Variants in FARP1 observed in about 807,000 individuals in gnomAD.
FARP1 encodes the protein FERM, ARH/RhoGEF and pleckstrin domain protein 1.
A neutral mutation model predicts 128.8 loss-of-function variants in FARP1; 52 were observed. That is an observed-to-expected ratio of 0.40 (90% CI 0.32 to 0.51). FARP1 has a LOEUF of 0.51. Ranked by LOEUF, FARP1 falls within the 20% of genes least tolerant of loss-of-function variation. The pLI is 0.45. For synonymous variants in FARP1, 580 were observed against 551.8 expected (o/e 1.05, Z -0.72); for missense variants, 1,333 against 1,367.9 (o/e 0.97, Z 0.40).
At chr13:98,246,127 C>T (rs1476875215) in intron 2 of FARP1, among the ~76,000 whole-genome samples, 4 of 100,484 alleles carry the variant, frequency 4.0e-5, no homozygotes, top group South Asian at 7.5e-4. Context: ...GACGGAGTCT[C>T]GCTGTCACCC....
At chr13:98,361,761 G>A (rs1244310264) in intron 3 of FARP1, among the ~76,000 whole-genome samples, 5 of 152,046 alleles carry the variant, frequency 3.3e-5, no homozygotes, top group Non-Finnish European at 7.4e-5. Context: ...CCCTCTCACA[G>A]ATCGAAGGAG....
In FARP1 at chr13:98,443,497, C is replaced by T. The variant is rs58598914; in HGVS notation, c.2797-2601C>T. 8.9e-3 allele frequency among the ~76,000 whole-genome samples: 1,354 copies of T among 152,362 alleles called. 23 individuals carry two copies. Among genetic ancestry groups the T allele is most frequent in the African/African-American group, 0.031 (1,289 of 41,590 alleles). Reference sequence around the variant, plus strand: ...CTCCTCCCTGCATGACAGGACAAAGCAGCTCCATCTCCTCCTGACTCAACA... The same window carrying T: ...CTCCTCCCTGCATGACAGGACAAAGTAGCTCCATCTCCTCCTGACTCAACA... On this transcript the variant is annotated intron_variant, in intron 24 of 26. Coordinates refer to ENST00000319562, the MANE Select transcript of FARP1 (RefSeq NM_005766.4).
chr13:98,389,904 G>T (rs9582224), intron 9 of FARP1, 53 bp from the exon 10 acceptor site: 1 of 1,551,682 alleles, frequency 6.4e-7, no homozygotes, highest in African/African-American at 1.4e-5. Context: ...TCCTATTTCA[G>T]TGGTGTATCT....
At chr13:98,388,291 C>T (rs866451317) in intron 8 of FARP1, 92 bp from the exon 9 acceptor site, 3 of 882,056 alleles carry the variant, frequency 3.4e-6, no homozygotes, top group Middle Eastern at 2.2e-4. Context: ...GCCTGCCAGC[C>T]CTCTTCCTTT....
chr13:98,161,975 G>C (rs755145999), intron 1 of FARP1, among the ~76,000 whole-genome samples: 3 of 151,984 alleles, frequency 2.0e-5, no homozygotes, highest in Non-Finnish European at 2.9e-5. Context: ...AGAGACAGAA[G>C]TCTTGCTATC....
intron 17 of FARP1, among the ~76,000 whole-genome samples, chr13:98,425,919 A>T (rs1348257531): frequency 2.0e-5 from 3 of 152,178 alleles, no homozygotes; most frequent in African/African-American, 4.8e-5. Flanking sequence ...ATATACCTGT[A>T]CTCACATTTT....
At chr13:98,212,315 G>A (rs927677046) in intron 1 of FARP1, among the ~76,000 whole-genome samples, 32 of 152,080 alleles carry the variant, frequency 2.1e-4, no homozygotes, top group African/African-American at 5.6e-4. Context: ...CTTGGCCTCC[G>A]AAAGTGCTGG....
chr13:98,278,783 T>A (rs1884789565), intron 2 of FARP1, among the ~76,000 whole-genome samples: 2 of 151,910 alleles, frequency 1.3e-5, no homozygotes, highest in African/African-American at 4.9e-5. Flanking sequence ...TGATACCTGC[T>A]GTGACGAGGC....
Position 98,453,064 on chromosome 13 carries a change from G to T in FARP1, c.*4747G>T. 1 of 1,321,220 alleles carries T rather than the reference G, an allele frequency of 7.6e-7. No homozygotes were observed. The highest frequency in any genetic ancestry group is 1.1e-6 in the Non-Finnish European group (1 of 939,566). 81.8% of individuals were successfully genotyped at this position (1,321,220 alleles called of 1,614,324 possible). A position where few individuals can be genotyped will look rare whatever the true frequency, so the allele number is the denominator to read the frequency against. On this transcript the variant is annotated 3_prime_UTR_variant, in exon 27 of 27. Transcript: ENST00000319562. Reference sequence around the variant, plus strand: ...GCGCCTGGCGCTGGGGTGGCTCCCAGTGGCGCACCTCTTCGGTGGAGTCAG... The same window carrying T: ...GCGCCTGGCGCTGGGGTGGCTCCCATTGGCGCACCTCTTCGGTGGAGTCAG...
At chr13:98,154,136 C>T (rs1876328059) in intron 1 of FARP1, among the ~76,000 whole-genome samples, 1 of 152,068 alleles carries the variant, frequency 6.6e-6, no homozygotes, top group Admixed American at 6.6e-5. Context: ...GTTAGTATTC[C>T]ATCATATGGA....
At chr13:98,441,971 T>C (rs889213669) in intron 24 of FARP1, among the ~76,000 whole-genome samples, 7 of 151,394 alleles carry the variant, frequency 4.6e-5, no homozygotes, top group African/African-American at 7.3e-5. Context: ...GGCCCATAGC[T>C]GTGTTTCAGA....
intron 2 of FARP1, among the ~76,000 whole-genome samples, chr13:98,311,782 T>C (rs1418475818): frequency 6.6e-6 from 1 of 152,182 alleles, no homozygotes. Flanking sequence ...GCTACCGTAA[T>C]GATGGGTTTG....
chr13:98,274,212 T>C (rs9513386), intron 2 of FARP1, among the ~76,000 whole-genome samples: 1 of 151,810 alleles, frequency 6.6e-6, no homozygotes, highest in Non-Finnish European at 1.5e-5. Flanking sequence ...GTGAAAAGAT[T>C]TGAAAAATGA....
chr13:98,349,671 GGAAAAAAAAAAA>G lies in FARP1; in HGVS notation c.276+5806_276+5817del, dbSNP rs1162115417. On this transcript the variant is annotated intron_variant, in intron 3 of 26. Coordinates refer to ENST00000319562, the MANE Select transcript of FARP1 (RefSeq NM_005766.4). ...GGCGACAGAGCAAGACCCATCTCAG[GGAAAAAAAAAAA>G]AAAAAAAAAAAAAAAAAAAGACAAT... Among the ~76,000 whole-genome samples the G allele has an allele frequency of 1.9e-3, 157 of 83,134 alleles. 1 individual carries two copies. Among genetic ancestry groups the G allele is most frequent in the African/African-American group, 6.3e-3 (145 of 23,178 alleles). The allele number at this position is 83,134 out of a possible 152,430, so 54.5% of individuals were successfully genotyped here. A position where few individuals can be genotyped will look rare whatever the true frequency, so the allele number is the denominator to read the frequency against.
At chr13:98,388,607 A>G in intron 9 of FARP1, 129 bp downstream of exon 9, 1 of 690,690 alleles carries the variant, frequency 1.4e-6, no homozygotes, top group East Asian at 2.7e-5. Flanking sequence ...GCTTTTGTCC[A>G]CATGAACGCC....
intron 16 of FARP1, among the ~76,000 whole-genome samples, chr13:98,424,057 G>T (rs186185133): frequency 2.0e-5 from 3 of 152,222 alleles, no homozygotes; most frequent in Non-Finnish European, 4.4e-5. Flanking sequence ...TCTCAGTTAT[G>T]CATTTCTCTT....
chr13:98,167,791 T>C (rs116523040), intron 1 of FARP1, among the ~76,000 whole-genome samples: 383 of 152,292 alleles, frequency 2.5e-3, no homozygotes, highest in African/African-American at 8.5e-3. Flanking sequence ...TCAAGTAATA[T>C]TGGGATCTAA....
chr13:98,351,765 T>C (rs1033487144), intron 3 of FARP1, among the ~76,000 whole-genome samples: 9 of 151,802 alleles, frequency 5.9e-5, no homozygotes, highest in Middle Eastern at 3.2e-3. Flanking sequence ...AGAGAGCAAT[T>C]GGGGGTGGGG....
At chr13:98,216,592 G>A (rs964278990) in intron 2 of FARP1, among the ~76,000 whole-genome samples, 4 of 152,000 alleles carry the variant, frequency 2.6e-5, no homozygotes, top group Admixed American at 6.5e-5. Context: ...TTTAAAATAC[G>A]GAATTATAGG....
Sources: allele counts gnomAD v4.1 joint callset (sites outside exome capture counted in the v4.1 genomes callset), GRCh38; gene constraint gnomAD v4.1.1; transcripts MANE v1.5; gene names NCBI Gene and HGNC (gene_info 2026-07-23, HGNC 2026-07-21).